The following UST variants were observed in gnomAD, a reference collection of about 807,000 sequenced individuals.
UST encodes the protein uronyl 2-sulfotransferase.
In UST, 21 loss-of-function variants were observed where a neutral mutation model predicts 45.6. That is an observed-to-expected ratio of 0.46 (90% CI 0.33 to 0.66). The LOEUF is 0.66. UST is among the 30% of genes least tolerant of loss of function. UST has a pLI of 0.02. For missense variants in UST, 463 were observed against 512.4 expected (o/e 0.90, Z 0.93); for synonymous variants, 215 against 200.6 (o/e 1.07, Z -0.61).
chr6:149,044,370 T>C (rs899243799), intron 7 of UST, among the ~76,000 whole-genome samples: 1 of 152,206 alleles, frequency 6.6e-6, no homozygotes, highest in Non-Finnish European at 1.5e-5. Flanking sequence ...CAGTAGCTTA[T>C]TTGTGGCCTC....
intron 5 of UST, among the ~76,000 whole-genome samples, chr6:148,989,407 C>T (rs763729906): frequency 1.3e-5 from 2 of 152,100 alleles, no homozygotes; most frequent in South Asian, 2.1e-4. Context: ...ACTGCATTAG[C>T]ATGTTACCAA....
intron 2 of UST, among the ~76,000 whole-genome samples, chr6:148,929,556 G>C (rs1779883278): frequency 6.6e-6 from 1 of 152,220 alleles, no homozygotes; most frequent in South Asian, 2.1e-4. Context: ...GGATGGAAGA[G>C]CGAGATGGAA....
At chr6:148,758,177 T>G (rs1000826087) in intron 1 of UST, among the ~76,000 whole-genome samples, 3 of 152,192 alleles carry the variant, frequency 2.0e-5, no homozygotes, top group Non-Finnish European at 2.9e-5. Flanking sequence ...TGACTTCCAA[T>G]TGAAAGAAGC....
intron 5 of UST, among the ~76,000 whole-genome samples, chr6:148,972,572 T>C (rs1238205133): frequency 6.6e-6 from 1 of 152,222 alleles, no homozygotes. Flanking sequence ...GCTGTCTCCA[T>C]GCAAGGTCCC....
chr6:148,851,291 A>G (rs909641523), intron 1 of UST, among the ~76,000 whole-genome samples: 2 of 152,232 alleles, frequency 1.3e-5, no homozygotes, highest in African/African-American at 4.8e-5. Context: ...ACACACATAT[A>G]TATACGTACA....
rs34191810 is a variant in UST, at chr6:149,056,117, C to CTTTTTTTTTTTTTTT, written c.938-17704_938-17690dup. On this transcript the variant is annotated intron_variant, in intron 7 of 7. Transcript: ENST00000367463. ...TGTTACTCTGCTTTTCTTTTCTTTT[C>CTTTTTTTTTTTTTTT]TTTTTTTTTTTTTTTTTTTTTTTTT... Among the ~76,000 whole-genome samples the CTTTTTTTTTTTTTTT allele has an allele frequency of 5.3e-4, 43 of 81,062 alleles. 1 individual carries two copies. Among genetic ancestry groups the CTTTTTTTTTTTTTTT allele is most frequent in the East Asian group, 1.1e-3 (3 of 2,688 alleles). The allele number at this position is 81,062 out of a possible 152,430, so 53.2% of individuals were successfully genotyped here.
rs9689803 is a variant in UST at position 148,765,600 on chromosome 6, C to A, written c.247+17923C>A. ...TGAGGTGACATACATCCTCAGCTTA[C>A]GAAGATGATGGGATTAAGAGATTAA... On this transcript the variant is annotated intron_variant, in intron 1 of 7. Transcript: ENST00000367463. Among the ~76,000 whole-genome samples, 6 of 151,994 alleles carry A rather than the reference C, an allele frequency of 3.9e-5. No homozygotes were observed. In the South Asian group the frequency reaches 1.2e-3, roughly 32 times the overall value.
chr6:149,050,640 T>C (rs528704348), intron 7 of UST, among the ~76,000 whole-genome samples: 2 of 152,232 alleles, frequency 1.3e-5, no homozygotes, highest in Non-Finnish European at 2.9e-5. Flanking sequence ...TAAAGTATAT[T>C]CCTCATTATA....
At chr6:149,034,060 A>T (rs1020727962) in intron 7 of UST, among the ~76,000 whole-genome samples, 2 of 151,972 alleles carry the variant, frequency 1.3e-5, no homozygotes, top group South Asian at 4.2e-4. Context: ...CTTTACTTCT[A>T]CTTCCTTGCT....
At chr6:148,850,692 A>C (rs1778087677) in intron 1 of UST, among the ~76,000 whole-genome samples, 1 of 152,194 alleles carries the variant, frequency 6.6e-6, no homozygotes, top group Non-Finnish European at 1.5e-5. Flanking sequence ...CTCCAGGTTG[A>C]CATATGGGAT....
At chr6:148,994,447 A>G (rs890345710) in intron 5 of UST, among the ~76,000 whole-genome samples, 1 of 152,194 alleles carries the variant, frequency 6.6e-6, no homozygotes, top group Non-Finnish European at 1.5e-5. Context: ...TCTCTGTTTA[A>G]TCTTAGAATT....
At chr6:148,946,022 A>G (rs992284394) in intron 3 of UST, among the ~76,000 whole-genome samples, 1 of 152,140 alleles carries the variant, frequency 6.6e-6, no homozygotes, top group African/African-American at 2.4e-5. Context: ...TTATCAAAAC[A>G]CTATTTCCTT....
intron 3 of UST, among the ~76,000 whole-genome samples, chr6:148,947,674 G>C (rs1291354282): frequency 6.6e-6 from 1 of 152,116 alleles, no homozygotes; most frequent in African/African-American, 2.4e-5. Flanking sequence ...CTTTATCCCA[G>C]GAACCTTTCT....
intron 7 of UST, among the ~76,000 whole-genome samples, chr6:149,051,745 G>T (rs1280117601): frequency 6.6e-6 from 1 of 152,058 alleles, no homozygotes; most frequent in Non-Finnish European, 1.5e-5. Context: ...GTGGCGATGG[G>T]GGGGTGTCTG....
intron 1 of UST, among the ~76,000 whole-genome samples, chr6:148,789,451 TCTCACACACA>T (rs1180679838): frequency 1.4e-4 from 19 of 132,926 alleles, no homozygotes; most frequent in Non-Finnish European, 1.6e-4. Flanking sequence ...TCTCTCTCTC[TCTCACACACA>T]CACACACACA....
At chr6:148,785,433 GGTT>G (rs1776716991) in intron 1 of UST, among the ~76,000 whole-genome samples, 1 of 152,142 alleles carries the variant, frequency 6.6e-6, no homozygotes, top group African/African-American at 2.4e-5. Flanking sequence ...CTACCTCAAA[GGTT>G]GTTGTGAGGG....
intron 1 of UST, among the ~76,000 whole-genome samples, chr6:148,773,762 G>A (rs1453577942): frequency 1.3e-5 from 2 of 152,210 alleles, no homozygotes; most frequent in Non-Finnish European, 2.9e-5. Flanking sequence ...TGCACCAAAT[G>A]CCAGGTTTAG....
At chr6:148,765,490 A>G (rs113221257) in intron 1 of UST, among the ~76,000 whole-genome samples, 2 of 152,128 alleles carry the variant, frequency 1.3e-5, no homozygotes, top group African/African-American at 4.8e-5. Context: ...GTTTTTTCTA[A>G]TTCTGTGAAA....
intron 1 of UST, among the ~76,000 whole-genome samples, chr6:148,855,118 C>T (rs1342827274): frequency 6.6e-6 from 1 of 152,030 alleles, no homozygotes; most frequent in Non-Finnish European, 1.5e-5. Context: ...GAGAACAGCA[C>T]GAGAAAGACC....
Sources: gnomAD v4.1 joint callset for allele counts (sites outside exome capture counted in the v4.1 genomes callset) on GRCh38, gnomAD v4.1.1 for gene constraint, MANE v1.5 for transcripts, NCBI Gene and HGNC (gene_info 2026-07-23, HGNC 2026-07-21) for gene names.